Variants in COQ8A observed in about 807,000 individuals in gnomAD.
The protein encoded by COQ8A is atypical kinase COQ8A, mitochondrial.
A neutral mutation model predicts 65.0 loss-of-function variants in COQ8A; 51 were observed. That is an observed-to-expected ratio of 0.78 (90% CI 0.63 to 0.99). The LOEUF (loss-of-function observed/expected upper bound fraction) is 0.99, where lower values mean the gene tolerates loss of function less well. COQ8A is among the 50% of genes least tolerant of loss of function. The pLI, the probability that COQ8A is intolerant of heterozygous loss-of-function variation, is 0.00. For missense variants in COQ8A, 940 were observed against 875.0 expected, an observed-to-expected ratio of 1.07 and a Z score of -0.94; for synonymous variants, 371 against 353.2, an observed-to-expected ratio of 1.05 and a Z score of -0.57.
chr1:226,946,127 C>T lies in COQ8A; in HGVS notation c.-10+5728C>T, dbSNP rs1354973751. ...TGTGTATGAGGACAGTGCCAGACCC[C>T]GTTGGGGGTACAGAACTGGGAAAGA... On this transcript the variant is annotated intron_variant, in intron 1 of 14. Coordinates refer to ENST00000366777, the MANE Select transcript of COQ8A (RefSeq NM_020247.5). This position sits in a 1 kb window ranked among gnomAD's most constrained non-coding sequence, Gnocchi z 5.3. Among the ~76,000 whole-genome samples, 2 of 152,100 alleles carry T rather than the reference C, an allele frequency of 1.3e-5. No homozygotes were observed. The highest frequency in any genetic ancestry group is 4.2e-4 in the South Asian group (2 of 4,818).
intron 5 of COQ8A, among the ~76,000 whole-genome samples, chr1:226,978,268 A>C (rs534488059): frequency 9.7e-6 from 1 of 102,966 alleles, no homozygotes; most frequent in Non-Finnish European, 2.3e-5. Context: ...CTCCGCACCC[A>C]CTGAACACCC....
rs1657273916 is a variant in COQ8A, at chr1:226,949,952, C to G, written c.-10+9553C>G. ...GATGTGAACCCAGATCACCTAACCT[C>G]AGAGCATCTTAACCATGTCACCAGT... is the stretch of plus-strand genomic sequence containing the variant. On this transcript the variant is annotated intron_variant, in intron 1 of 14. Transcript: ENST00000366777. This position sits in a 1 kb window ranked among gnomAD's most constrained non-coding sequence, Gnocchi z 4.0. 2.0e-5 allele frequency among the ~76,000 whole-genome samples: 3 copies of G among 152,316 alleles called. No individual in the cohort carries two copies. The South Asian group carries it at 6.2e-4, about 32-fold the overall frequency.
intron 4 of COQ8A, among the ~76,000 whole-genome samples, chr1:226,966,478 A>G (rs761754331): frequency 5.9e-5 from 9 of 152,174 alleles, no homozygotes; most frequent in Non-Finnish European, 1.0e-4. Context: ...ACTCTAAGTT[A>G]GTTACTGGGA....
At chr1:226,966,868 G>C (rs143860581) in intron 4 of COQ8A, among the ~76,000 whole-genome samples, 2 of 152,290 alleles carry the variant, frequency 1.3e-5, no homozygotes, top group African/African-American at 2.4e-5. Flanking sequence ...CGTAATGTGT[G>C]TGGGTTCTGA....
At chr1:226,984,678 C>T in intron 12 of COQ8A, 23 bp downstream of exon 12, 1 of 1,603,244 alleles carries the variant, frequency 6.2e-7, no homozygotes, top group Admixed American at 1.7e-5. Flanking sequence ...GTGGGGGCAC[C>T]CGCAGCCAGG....
At position 226,987,190 on chromosome 1, in the gene COQ8A, C is replaced by CCTCTCCAGCCGATGGGCTGG. The variant is rs1252179038; in HGVS notation, c.*454_*473dup. On this transcript the variant is annotated 3_prime_UTR_variant, in exon 15 of 15. Coordinates refer to ENST00000366777, the MANE Select transcript of COQ8A (RefSeq NM_020247.5). Reference sequence around the variant, plus strand: ...TGAGATTTGTGTTTTCTGCCCTTTTCCTCTCCAGCCGATGGGCTGGAGCTG... The same window carrying CCTCTCCAGCCGATGGGCTGG: ...TGAGATTTGTGTTTTCTGCCCTTTTCCTCTCCAGCCGATGGGCTGGCTCTCCAGCCGATGGGCTGGAGCTG... The CCTCTCCAGCCGATGGGCTGG allele has an allele frequency of 1.1e-5, 2 of 189,014 alleles. No individual in the cohort carries two copies. Among genetic ancestry groups the CCTCTCCAGCCGATGGGCTGG allele is most frequent in the Non-Finnish European group, 2.2e-5 (2 of 89,660 alleles). The allele number at this position is 189,014 out of a possible 1,614,324, so 11.7% of individuals were successfully genotyped here.
At chr1:226,943,222 A>G (rs1056159597) in intron 1 of COQ8A, among the ~76,000 whole-genome samples, 2 of 152,252 alleles carry the variant, frequency 1.3e-5, no homozygotes, top group African/African-American at 2.4e-5. Context: ...AGTAAGAACC[A>G]TGGACACTGA....
At position 226,961,877 on chromosome 1, in the gene COQ8A, T is replaced by C. The variant is rs1558188796; in HGVS notation, c.177+315T>C. Reference sequence around the variant, plus strand: ...TGGTGAGGGCCTGTTTCCTAATCCATAGATGGCCATCTTCTCACTGTGTCC... The same window carrying C: ...TGGTGAGGGCCTGTTTCCTAATCCACAGATGGCCATCTTCTCACTGTGTCC... On this transcript the variant is annotated intron_variant, in intron 2 of 14. Coordinates refer to ENST00000366777, the MANE Select transcript of COQ8A (RefSeq NM_020247.5). 3.3e-5 allele frequency among the ~76,000 whole-genome samples: 5 copies of C among 152,168 alleles called. 1 individual carries two copies. Among genetic ancestry groups the C allele is most frequent in the Admixed American group, 3.3e-4 (5 of 15,280 alleles).
intron 1 of COQ8A, chr1:226,958,088 C>G (rs773048999): frequency 2.0e-5 from 3 of 152,190 alleles, no homozygotes; most frequent in Non-Finnish European, 4.4e-5. Flanking sequence ...CCATCGTGCT[C>G]AACTAGTCAC....
At chr1:226,942,417 G>A (rs1656762130) in intron 1 of COQ8A, among the ~76,000 whole-genome samples, 1 of 152,082 alleles carries the variant, frequency 6.6e-6, no homozygotes, top group Non-Finnish European at 1.5e-5. Context: ...GACTGGCTGG[G>A]TTGGGGGTGC....
In COQ8A at chr1:226,946,378, T is replaced by A. The variant is rs1657045031; in HGVS notation, c.-10+5979T>A. ...GGAGGAGGGAGCAGGATGTGGAAGC[T>A]GGAAAACCTGTGTGGGTGTTGGGCG... On this transcript the variant is annotated intron_variant, in intron 1 of 14. Transcript: ENST00000366777. The surrounding 1 kb of genome is among the most constrained non-coding windows in gnomAD (Gnocchi z 5.3). 6.6e-6 allele frequency among the ~76,000 whole-genome samples: 1 copy of A among 152,136 alleles called. No individual in the cohort carries two copies. The highest frequency in any genetic ancestry group is 1.5e-5 in the Non-Finnish European group (1 of 68,024).
intron 1 of COQ8A, among the ~76,000 whole-genome samples, chr1:226,956,878 C>T (rs1208030033): frequency 4.6e-5 from 5 of 109,294 alleles, no homozygotes; most frequent in Non-Finnish European, 5.5e-5. Context: ...TCCCTGGCTC[C>T]CACTCTCCCT....
chr1:226,945,489 G>A (rs1201132283), intron 1 of COQ8A, among the ~76,000 whole-genome samples: 1 of 152,228 alleles, frequency 6.6e-6, no homozygotes, highest in Non-Finnish European at 1.5e-5. Flanking sequence ...CTGGCTCAGA[G>A]GAGGGTAAAA....
intron 4 of COQ8A, among the ~76,000 whole-genome samples, chr1:226,971,599 T>G (rs532783423): frequency 1.3e-5 from 2 of 152,306 alleles, no homozygotes; most frequent in South Asian, 4.1e-4. Context: ...CTTTATTTTT[T>G]TAAGGTATTT....
rs577406586 is a variant in COQ8A, at chr1:226,983,748, C to T, written c.1163-13C>T. 1.9e-6 allele frequency: 3 copies of T among 1,613,156 alleles called. No homozygotes were observed. Among genetic ancestry groups the T allele is most frequent in the Non-Finnish European group, 1.7e-6 (2 of 1,179,952 alleles). On this transcript the variant is annotated splice_polypyrimidine_tract_variant and intron_variant, in intron 9 of 14. Transcript: ENST00000366777. Reference sequence around the variant, plus strand: ...AGCCCCCTTCCTCGCTGATGCCCTCCTCCCTGGCCCAGGCCTGTTCCCCGA... The same window carrying T: ...AGCCCCCTTCCTCGCTGATGCCCTCTTCCCTGGCCCAGGCCTGTTCCCCGA...
In COQ8A at chr1:226,987,139, G is replaced by C. The variant is rs1490551581; in HGVS notation, c.*402G>C. 3.7e-6 allele frequency: 1 copy of C among 272,830 alleles called. No individual in the cohort carries two copies. Among genetic ancestry groups the C allele is most frequent in the Non-Finnish European group, 7.2e-6 (1 of 138,628 alleles). The allele number at this position is 272,830 out of a possible 1,614,324, so 16.9% of individuals were successfully genotyped here. A position where few individuals can be genotyped will look rare whatever the true frequency, so the allele number is the denominator to read the frequency against. Reference sequence around the variant, plus strand: ...ATTGTGGGATTTTATCATCTGTGTAGTAGGTGTGTGTATGTGTTTCTAGAG... The same window carrying C: ...ATTGTGGGATTTTATCATCTGTGTACTAGGTGTGTGTATGTGTTTCTAGAG... On this transcript the variant is annotated 3_prime_UTR_variant, in exon 15 of 15. Transcript: ENST00000366777.
At chr1:226,958,627 C>T (rs778307805) in intron 1 of COQ8A, among the ~76,000 whole-genome samples, 11 of 152,214 alleles carry the variant, frequency 7.2e-5, no homozygotes, top group Non-Finnish European at 1.0e-4. Flanking sequence ...GAAGGAACCT[C>T]CGGTTGACTT....
chr1:226,975,548 A>G (rs1040269092), intron 4 of COQ8A, among the ~76,000 whole-genome samples: 2 of 152,274 alleles, frequency 1.3e-5, no homozygotes, highest in Admixed American at 6.5e-5. Flanking sequence ...AAATTATACT[A>G]TTAGAATTCA....
rs369060887 is a variant in COQ8A, at chr1:226,976,422, T to TCGGGGCTG, written c.656-1008_656-1001dup. 5.2e-3 allele frequency among the ~76,000 whole-genome samples: 572 copies of TCGGGGCTG among 110,292 alleles called. 3 individuals carry two copies. Among genetic ancestry groups the TCGGGGCTG allele is most frequent in the East Asian group, 0.021 (75 of 3,502 alleles). The allele number at this position is 110,292 out of a possible 152,430, so 72.4% of individuals were successfully genotyped here. On this transcript the variant is annotated intron_variant, in intron 4 of 14. Transcript: ENST00000366777. ...TGTGGGACTGCGATGTTGCCTGGCTTCGGGGCTGCGGGGCTGCGGGGCTGC... is the reference window on the plus strand; with the variant it reads ...TGTGGGACTGCGATGTTGCCTGGCTTCGGGGCTGCGGGGCTGCGGGGCTGCGGGGCTGC...
Sources: allele counts gnomAD v4.1 joint callset (sites outside exome capture counted in the v4.1 genomes callset), GRCh38; gene constraint gnomAD v4.1.1; non-coding constraint Gnocchi (gnomAD v3.1); transcripts MANE v1.5; gene names NCBI Gene and HGNC (gene_info 2026-07-23, HGNC 2026-07-21).